Variants in IFT57 observed in about 807,000 individuals in gnomAD.
The protein encoded by IFT57 is intraflagellar transport protein 57 homolog.
Under a neutral mutation model 56.8 loss-of-function variants are expected in IFT57, and 59 were observed. The observed-to-expected ratio is 1.04, with a 90% CI of 0.84 to 1.29. The LOEUF (loss-of-function observed/expected upper bound fraction) is 1.29. Among genes scored for constraint, IFT57 ranks in the 50% most tolerant of loss-of-function variants. IFT57 has a pLI of 0.00. For synonymous variants in IFT57, 209 were observed against 186.1 expected, an observed-to-expected ratio of 1.12 and a Z score of -1.00; for missense variants, 470 against 522.1, an observed-to-expected ratio of 0.90 and a Z score of 0.97.
chr3:108,195,923 G>A (rs916369393), intron 5 of IFT57, among the ~76,000 whole-genome samples: 63 of 151,968 alleles, frequency 4.1e-4, no homozygotes, highest in African/African-American at 1.4e-3. Context: ...CCTAGTGTTC[G>A]GTAGCACAAT....
chr3:108,186,027 AC>A (rs1397231898), intron 6 of IFT57, among the ~76,000 whole-genome samples: 4 of 152,034 alleles, frequency 2.6e-5, no homozygotes, highest in Non-Finnish European at 5.9e-5. Flanking sequence ...CCCAAACACA[AC>A]ATCTCCAATT....
intron 9 of IFT57, among the ~76,000 whole-genome samples, chr3:108,165,171 G>A (rs771961709): frequency 6.6e-6 from 1 of 152,016 alleles, no homozygotes; most frequent in Non-Finnish European, 1.5e-5. Flanking sequence ...TGTAAAAAAT[G>A]TTGAGGAAAA....
intron 6 of IFT57, among the ~76,000 whole-genome samples, chr3:108,174,346 AAG>A: frequency 9.5e-5 from 3 of 31,666 alleles, no homozygotes; most frequent in Non-Finnish European, 2.6e-4. Flanking sequence ...TGTCAAAATG[AAG>A]AAGAAGAAGT....
intron 6 of IFT57, among the ~76,000 whole-genome samples, chr3:108,188,686 C>G (rs2080197913): frequency 6.6e-6 from 1 of 152,154 alleles, no homozygotes; most frequent in African/African-American, 2.4e-5. Context: ...GTCTAACTTT[C>G]AACTCATTAA....
At position 108,163,754 on chromosome 3, in the gene IFT57, A is replaced by G. The variant is rs367802762; in HGVS notation, c.1045-25T>C. 1.1e-5 allele frequency: 15 copies of G among 1,426,228 alleles called. No homozygotes were observed. In the African/African-American group the frequency reaches 2.0e-4, roughly 19 times the overall value. The allele number at this position is 1,426,228 out of a possible 1,614,324, so 88.3% of individuals were successfully genotyped here. A position where few individuals can be genotyped will look rare whatever the true frequency, so the allele number is the denominator to read the frequency against. On this transcript the variant is annotated intron_variant, in intron 9 of 10. Transcript: ENST00000264538. ...CCTTTCATGAAAACAAGTTTTCATGAGCATTACATTTTAATAAACTTTCAC... is the reference window on the plus strand; with the variant it reads ...CCTTTCATGAAAACAAGTTTTCATGGGCATTACATTTTAATAAACTTTCAC...
chr3:108,176,924 T>A (rs1286579837), intron 6 of IFT57, among the ~76,000 whole-genome samples: 1 of 151,816 alleles, frequency 6.6e-6, no homozygotes, highest in African/African-American at 2.4e-5. Flanking sequence ...AATCAACACA[T>A]ATAATTCCCT....
At chr3:108,207,728 T>G (rs1007421399) in intron 4 of IFT57, among the ~76,000 whole-genome samples, 2 of 152,086 alleles carry the variant, frequency 1.3e-5, no homozygotes, top group African/African-American at 4.8e-5. Context: ...ATTCTAAGGC[T>G]CTATCCCATA....
rs2080412065 is a variant in IFT57 at position 108,222,398 on chromosome 3, C to T, written c.-76G>A. The T allele has an allele frequency of 2.0e-5, 28 of 1,371,720 alleles. No individual in the cohort carries two copies. The South Asian group carries it at 4.0e-4, about 20-fold the overall frequency. The allele number at this position is 1,371,720 out of a possible 1,614,324, so 85.0% of individuals were successfully genotyped here. A position where few individuals can be genotyped will look rare whatever the true frequency, so the allele number is the denominator to read the frequency against. On this transcript the variant is annotated 5_prime_UTR_variant, in exon 1 of 11. Transcript: ENST00000264538. Reference sequence around the variant, plus strand: ...CCTAAGCCGCCAGCCCTGCCGCCGCCAGTACAGCCACGACCGGTTACCAGG... The same window carrying T: ...CCTAAGCCGCCAGCCCTGCCGCCGCTAGTACAGCCACGACCGGTTACCAGG...
chr3:108,183,695 T>C (rs2080164149), intron 6 of IFT57, among the ~76,000 whole-genome samples: 2 of 152,292 alleles, frequency 1.3e-5, no homozygotes, highest in Non-Finnish European at 2.9e-5. Context: ...TTTGAATAAA[T>C]AGCCTTTGCT....
intron 5 of IFT57, among the ~76,000 whole-genome samples, chr3:108,196,514 T>C (rs1326233725): frequency 6.6e-6 from 1 of 152,180 alleles, no homozygotes; most frequent in Admixed American, 6.5e-5. Flanking sequence ...GATCAAACAC[T>C]GCATTAAGAT....
chr3:108,169,855 AATAAATGT>A (rs2080083245), intron 6 of IFT57, among the ~76,000 whole-genome samples: 2 of 152,058 alleles, frequency 1.3e-5, no homozygotes, highest in African/African-American at 4.8e-5. Context: ...TACACAAATC[AATAAATGT>A]AATCCATCAC....
chr3:108,205,825 TTTATATATTATTTAA>T lies in IFT57; in HGVS notation c.654+788_654+802del, dbSNP rs2080306867. On this transcript the variant is annotated intron_variant, in intron 5 of 10. Transcript: ENST00000264538. ...AAATATTATAGCATATTATATATTATTTATATATTATTTAATTAATTTAACATATATTTATATAAC... is the reference window on the plus strand; with the variant it reads ...AAATATTATAGCATATTATATATTATTTAATTTAACATATATTTATATAAC... 8.1e-5 allele frequency among the ~76,000 whole-genome samples: 8 copies of T among 99,362 alleles called. 1 individual carries two copies. The East Asian group carries it at 1.0e-3, about 12-fold the overall frequency. The allele number at this position is 99,362 out of a possible 152,430, so 65.2% of individuals were successfully genotyped here.
rs1468590308 is a variant in IFT57 at position 108,162,344 on chromosome 3, GATATA to G, written c.*128_*132del. On this transcript the variant is annotated 3_prime_UTR_variant, in exon 11 of 11. Coordinates refer to ENST00000264538, the MANE Select transcript of IFT57 (RefSeq NM_018010.4). Reference sequence around the variant, plus strand: ...AGGCTTTAACCATCATAATCACCATGATATAATATGTGAGTATGTATATGTAAAAA... The same window carrying G: ...AGGCTTTAACCATCATAATCACCATGATATGTGAGTATGTATATGTAAAAA... 1.7e-6 allele frequency: 1 copy of G among 582,314 alleles called. No homozygotes were observed. The highest frequency in any genetic ancestry group is 2.9e-5 in the East Asian group (1 of 34,286). The allele number at this position is 582,314 out of a possible 1,614,324, so 36.1% of individuals were successfully genotyped here. A position where few individuals can be genotyped will look rare whatever the true frequency, so the allele number is the denominator to read the frequency against.
chr3:108,162,661 G>A lies in IFT57; in HGVS notation c.1112-6C>T, dbSNP rs1421881056. On this transcript the variant is annotated splice_region_variant and splice_polypyrimidine_tract_variant and intron_variant, in intron 10 of 10. Coordinates refer to ENST00000264538, the MANE Select transcript of IFT57 (RefSeq NM_018010.4). ...TTTAATCTTCACCAAAGGAGCTGCA[G>A]AATGAAAATAACATGAAATAAAAAT... 1 of 1,577,668 alleles carries A rather than the reference G, an allele frequency of 6.3e-7. No individual in the cohort carries two copies. The highest frequency in any genetic ancestry group is 1.4e-5 in the African/African-American group (1 of 73,526).
intron 6 of IFT57, among the ~76,000 whole-genome samples, chr3:108,171,690 C>A (rs1394922238): frequency 6.6e-6 from 1 of 151,768 alleles, no homozygotes; most frequent in African/African-American, 2.4e-5. Flanking sequence ...GCCTTCTGCA[C>A]CTGGACCAAA....
At chr3:108,190,696 G>A (rs1209828017) in intron 6 of IFT57, among the ~76,000 whole-genome samples, 1 of 152,206 alleles carries the variant, frequency 6.6e-6, no homozygotes, top group African/African-American at 2.4e-5. Context: ...TTATCAAATT[G>A]TAACTAGAAA....
chr3:108,163,761 C>T (rs748789872), intron 9 of IFT57, 32 bp from the exon 10 acceptor site: 23 of 1,356,010 alleles, frequency 1.7e-5, no homozygotes, highest in Middle Eastern at 2.0e-4. Context: ...ATGAGCATTA[C>T]ATTTTAATAA....
chr3:108,201,313 T>C (rs933037419), intron 5 of IFT57, among the ~76,000 whole-genome samples: 16 of 152,178 alleles, frequency 1.1e-4, no homozygotes, highest in African/African-American at 3.9e-4. Flanking sequence ...CAAAAGTGGG[T>C]TGAAAAGCTA....
intron 6 of IFT57, among the ~76,000 whole-genome samples, chr3:108,173,734 T>C (rs2080106928): frequency 6.6e-6 from 1 of 150,392 alleles, no homozygotes; most frequent in African/African-American, 2.4e-5. Flanking sequence ...AGTCGAAAAA[T>C]TGTTAAGTTG....
Sources: gnomAD v4.1 joint callset for allele counts (sites outside exome capture counted in the v4.1 genomes callset) on GRCh38, gnomAD v4.1.1 for gene constraint, MANE v1.5 for transcripts, NCBI Gene and HGNC (gene_info 2026-07-23, HGNC 2026-07-21) for gene names.